Variants in ECT2L observed in about 807,000 individuals in gnomAD.
ECT2L encodes epithelial cell transforming 2 like, also known as epithelial cell-transforming sequence 2 oncogene-like.
Under a neutral mutation model 122.8 loss-of-function variants are expected in ECT2L, and 126 were observed. The ratio of observed to expected loss-of-function variants is 1.03; its 90% CI spans 0.89 to 1.19. The LOEUF is 1.19. Ranked by LOEUF, ECT2L falls within the 50% of genes most tolerant of loss-of-function variation. The probability of loss-of-function intolerance (pLI) is 0.00; values close to 1 mark genes in which losing one functional copy is unlikely to be tolerated. For synonymous variants in ECT2L, 385 were observed against 381.8 expected (o/e 1.01, Z -0.10); for missense variants, 1,012 against 1,064.1 (o/e 0.95, Z 0.68).
chr6:138,804,035 A>G (rs1355940478), intron 1 of ECT2L, among the ~76,000 whole-genome samples: 1 of 152,206 alleles, frequency 6.6e-6, no homozygotes, highest in African/African-American at 2.4e-5. Context: ...CAGCTAGAAA[A>G]TCACTGACAA....
intron 1 of ECT2L, among the ~76,000 whole-genome samples, chr6:138,809,957 C>A (rs1465217750): frequency 1.3e-5 from 2 of 152,100 alleles, no homozygotes; most frequent in Non-Finnish European, 2.9e-5. Context: ...GAAAAGATGG[C>A]AATCTATGTG....
intron 8 of ECT2L, among the ~76,000 whole-genome samples, chr6:138,848,000 C>T (rs976732276): frequency 2.0e-5 from 3 of 152,282 alleles, no homozygotes; most frequent in Middle Eastern, 3.4e-3. Flanking sequence ...ACCTTCTTCA[C>T]ATGACAGCAG....
intron 13 of ECT2L, among the ~76,000 whole-genome samples, chr6:138,871,428 G>A (rs951341783): frequency 6.6e-6 from 1 of 152,188 alleles, no homozygotes; most frequent in African/African-American, 2.4e-5. Flanking sequence ...CAGGGCAGGA[G>A]CAGACATAGA....
intron 16 of ECT2L, among the ~76,000 whole-genome samples, chr6:138,883,461 TC>T (rs1162961555): frequency 6.6e-6 from 1 of 152,200 alleles, no homozygotes; most frequent in Non-Finnish European, 1.5e-5. Flanking sequence ...CTTTCTTCCC[TC>T]CTCAATTGGT....
At chr6:138,901,660 C>A (rs933019039) in intron 21 of ECT2L, among the ~76,000 whole-genome samples, 1 of 152,108 alleles carries the variant, frequency 6.6e-6, no homozygotes, top group Admixed American at 6.5e-5. Flanking sequence ...CATTTTGTCA[C>A]GAAAACGAAA....
chr6:138,860,473 T>G (rs1384149459), intron 10 of ECT2L, among the ~76,000 whole-genome samples: 2 of 151,880 alleles, frequency 1.3e-5, no homozygotes, highest in African/African-American at 4.8e-5. Flanking sequence ...GACTCTCTAC[T>G]TGATTTCATT....
At chr6:138,900,361 C>A (rs563102762) in intron 20 of ECT2L, among the ~76,000 whole-genome samples, 2 of 152,206 alleles carry the variant, frequency 1.3e-5, no homozygotes, top group African/African-American at 4.8e-5. Context: ...ATTCTCCTGC[C>A]TCAGCCTCCC....
chr6:138,847,405 C>T (rs1485911193), intron 8 of ECT2L, among the ~76,000 whole-genome samples: 11 of 108,772 alleles, frequency 1.0e-4, no homozygotes, highest in African/African-American at 4.4e-4. Context: ...GAGTCTCACT[C>T]TGTCGCCCAG....
At position 138,849,153 on chromosome 6, in the gene ECT2L, ATC is replaced by A. The variant is rs939937372; in HGVS notation, c.904-112_904-111del. On this transcript the variant is annotated intron_variant, in intron 8 of 21. Transcript: ENST00000541398. Reference sequence around the variant, plus strand: ...AGGAGGAAGCTTATCTTCTTCCATAATCTCTGAAAATTCTTTAGAAATCACGG... The same window carrying A: ...AGGAGGAAGCTTATCTTCTTCCATAATCTGAAAATTCTTTAGAAATCACGG... 3.4e-5 allele frequency: 36 copies of A among 1,057,222 alleles called. No individual in the cohort carries two copies. In the African/African-American group the frequency reaches 5.7e-4, roughly 17 times the overall value. 65.5% of individuals were successfully genotyped at this position (1,057,222 alleles called of 1,614,324 possible). A position where few individuals can be genotyped will look rare whatever the true frequency, so the allele number is the denominator to read the frequency against.
chr6:138,868,457 G>C, intron 13 of ECT2L, among the ~76,000 whole-genome samples: 1 of 149,944 alleles, frequency 6.7e-6, no homozygotes, highest in Admixed American at 6.7e-5. Context: ...TTTCTGTCTT[G>C]TGCTTAATTT....
Position 138,814,516 on chromosome 6 carries a change from T to A in ECT2L, c.92T>A (p.Ile31Lys). 6.2e-7 allele frequency: 1 copy of A among 1,611,624 alleles called. No individual in the cohort carries two copies. The change falls in exon 4 of 22, where the codon ATA becomes AAA. Residue 31 changes from isoleucine to lysine, a missense_variant. Transcript: ENST00000541398. Reference sequence around the variant, plus strand: ...CTCTTTCAGGAAAGAGTGGCTCTTATAAGTCATTGGTTTGACCTCTGGACT... The same window carrying A: ...CTCTTTCAGGAAAGAGTGGCTCTTAAAAGTCATTGGTTTGACCTCTGGACT... The part of the protein sequence containing the change: ...RQLFQERVAL[I>K]SHWFDLWTNK...
rs765092961 is a variant in ECT2L, at chr6:138,846,604, A to C, written c.830A>C (p.Lys277Thr). ...LSKKNWHGVH[K>T]NDDRSSYALR... ...AAGAAAAATTGGCATGGAGTTCATA[A>C]AAATGATGACAGATCTTCATATGCT... The change falls in exon 8 of 22, where the codon AAA (lysine) becomes ACA (threonine). Residue 277 changes from lysine (K) to threonine (T), a missense_variant. By Grantham distance (78) the Lys-to-Thr change is moderately conservative. Transcript: ENST00000541398. The C allele has an allele frequency of 1.2e-6, 2 of 1,611,506 alleles. No homozygotes were observed.
chr6:138,864,403 C>T (rs1165478456), intron 11 of ECT2L, among the ~76,000 whole-genome samples: 1 of 152,198 alleles, frequency 6.6e-6, no homozygotes. Context: ...ACTATGTATC[C>T]ATTCAGGACA....
intron 16 of ECT2L, among the ~76,000 whole-genome samples, chr6:138,883,556 C>T (rs1778712631): frequency 6.6e-6 from 1 of 152,208 alleles, no homozygotes; most frequent in South Asian, 2.1e-4. Flanking sequence ...TTCACTGAGG[C>T]CCTGCAGGAA....
At position 138,903,499 on chromosome 6, in the gene ECT2L, A is replaced by G. The variant is rs1244385075; in HGVS notation, c.*872A>G. 6.6e-6 allele frequency: 1 copy of G among 152,226 alleles called. No homozygotes were observed. Among genetic ancestry groups the G allele is most frequent in the African/African-American group, 2.4e-5 (1 of 41,462 alleles). The allele number at this position is 152,226 out of a possible 1,614,324, so 9.4% of individuals were successfully genotyped here. A position where few individuals can be genotyped will look rare whatever the true frequency, so the allele number is the denominator to read the frequency against. On this transcript the variant is annotated 3_prime_UTR_variant, in exon 22 of 22. Transcript: ENST00000541398. ...ACTACAAAGTACTAAAAAGTTTTCT[A>G]TAATTTTTAAGTGTTATTTATTGGA...
chr6:138,884,011 G>A (rs1778726675), intron 16 of ECT2L, among the ~76,000 whole-genome samples: 1 of 152,064 alleles, frequency 6.6e-6, no homozygotes, highest in Non-Finnish European at 1.5e-5. Context: ...CTACAGGCAT[G>A]TGCCACCACA....
At chr6:138,850,146 T>C (rs1277915153) in intron 9 of ECT2L, among the ~76,000 whole-genome samples, 1 of 99,150 alleles carries the variant, frequency 1.0e-5, no homozygotes, top group Non-Finnish European at 2.2e-5. Flanking sequence ...TTTGTGACTT[T>C]TTTCTTTTTT....
At chr6:138,828,437 A>G (rs928567930) in intron 4 of ECT2L, among the ~76,000 whole-genome samples, 8 of 152,200 alleles carry the variant, frequency 5.3e-5, no homozygotes, top group Non-Finnish European at 1.0e-4. Flanking sequence ...CCTTTTCCTG[A>G]AAACTGGTAG....
intron 13 of ECT2L, 75 bp downstream of exon 13, chr6:138,868,281 T>C (rs2128401420): frequency 7.3e-7 from 1 of 1,363,832 alleles, no homozygotes; most frequent in South Asian, 1.3e-5. Flanking sequence ...TATTATTAAT[T>C]TTTTTGACCA....
Sources: gnomAD v4.1 joint callset for allele counts (sites outside exome capture counted in the v4.1 genomes callset) on GRCh38, gnomAD v4.1.1 for gene constraint, MANE v1.5 for transcripts, NCBI Gene and HGNC (gene_info 2026-07-23, HGNC 2026-07-21) for gene names.